Variants in COL24A1 observed in about 807,000 individuals in gnomAD.
The protein encoded by COL24A1 is collagen alpha-1(XXIV) chain.
A neutral mutation model predicts 253.9 loss-of-function variants in COL24A1; 224 were observed. That is an observed-to-expected ratio of 0.88 (90% CI 0.79 to 0.99). COL24A1 has a LOEUF of 0.99. Among genes scored for constraint, COL24A1 ranks in the 50% least tolerant of loss-of-function variants. The pLI is 0.00. For synonymous variants in COL24A1, 685 were observed against 673.7 expected (o/e 1.02, Z -0.26); for missense variants, 2,131 against 2,068.5 (o/e 1.03, Z -0.59).
chr1:86,027,055 T>G (rs926994422), intron 14 of COL24A1, among the ~76,000 whole-genome samples: 5 of 152,126 alleles, frequency 3.3e-5, no homozygotes, highest in Admixed American at 3.3e-4. Flanking sequence ...GCGGAAGAAA[T>G]TTTTAAGCAG....
chr1:86,069,663 G>A (rs1701732480), intron 7 of COL24A1, among the ~76,000 whole-genome samples: 1 of 151,972 alleles, frequency 6.6e-6, no homozygotes, highest in South Asian at 2.1e-4. Flanking sequence ...AGCAAAGAGA[G>A]AGAGAGAGAG....
intron 2 of COL24A1, among the ~76,000 whole-genome samples, chr1:86,145,876 T>G (rs937455291): frequency 2.0e-5 from 3 of 152,078 alleles, no homozygotes; most frequent in African/African-American, 7.2e-5. Flanking sequence ...AAAACTTCTT[T>G]TTTATAGAGT....
chr1:86,061,727 T>C (rs576036863), intron 8 of COL24A1, among the ~76,000 whole-genome samples: 17 of 152,062 alleles, frequency 1.1e-4, no homozygotes, highest in African/African-American at 4.1e-4. Context: ...CCACAGAAAC[T>C]CAAAAGAAAC....
At chr1:85,748,550 C>G (rs2100984703) in intron 55 of COL24A1, among the ~76,000 whole-genome samples, 1 of 152,114 alleles carries the variant, frequency 6.6e-6, no homozygotes, top group Admixed American at 6.5e-5. Context: ...CGAATAGGAA[C>G]AGCTCCGGTC....
intron 47 of COL24A1, among the ~76,000 whole-genome samples, chr1:85,799,125 T>TC (rs1671126721): frequency 6.6e-6 from 1 of 151,568 alleles, no homozygotes; most frequent in South Asian, 2.1e-4. Context: ...CCCTGTACTG[T>TC]CCCTCAGTTA....
intron 19 of COL24A1, among the ~76,000 whole-genome samples, chr1:86,014,631 A>G (rs1475432867): frequency 7.5e-6 from 1 of 134,170 alleles, no homozygotes; most frequent in African/African-American, 2.9e-5. Context: ...CCTATTTTCT[A>G]TTTTTGGAAT....
In COL24A1 at chr1:86,022,496, C is replaced by G. The variant is rs369791694; in HGVS notation, c.2202+42G>C. The G allele has an allele frequency of 4.6e-6, 7 of 1,531,344 alleles. No individual in the cohort carries two copies. The Admixed American group carries it at 1.2e-4, about 27-fold the overall frequency. The allele number at this position is 1,531,344 out of a possible 1,614,324, so 94.9% of individuals were successfully genotyped here. On this transcript the variant is annotated intron_variant, in intron 17 of 59. Transcript: ENST00000370571. The stretch of plus-strand genomic sequence containing the variant: ...TAAGCAGTTCTTTCTTTTGAATTTA[C>G]ACTTTTTCATATTTACATAAAATTA...
At chr1:86,110,250 A>C (rs1376535194) in intron 5 of COL24A1, among the ~76,000 whole-genome samples, 1 of 151,862 alleles carries the variant, frequency 6.6e-6, no homozygotes, top group Non-Finnish European at 1.5e-5. Flanking sequence ...AAGTATGGGA[A>C]TGGAGATATC....
At chr1:85,927,911 C>G (rs1413344168) in intron 24 of COL24A1, among the ~76,000 whole-genome samples, 1 of 138,906 alleles carries the variant, frequency 7.2e-6, no homozygotes, top group Non-Finnish European at 1.6e-5. Context: ...GAAAGGACAT[C>G]TACACCAAAA....
intron 19 of COL24A1, among the ~76,000 whole-genome samples, chr1:86,001,412 T>TAAAA (rs1695393778): frequency 6.6e-6 from 1 of 152,208 alleles, no homozygotes; most frequent in Non-Finnish European, 1.5e-5. Flanking sequence ...CCTGCCTTTT[T>TAAAA]AGTTGAGTAG....
At position 86,082,645 on chromosome 1, in the gene COL24A1, CAT is replaced by C. The variant is rs934358167; in HGVS notation, c.1707+6527_1707+6528del. ...TGTATATATTTATATAAATATATAA[CAT>C]ATATTTATATATACTGTAATAATTT... On this transcript the variant is annotated intron_variant, in intron 7 of 59. Coordinates refer to ENST00000370571, the MANE Select transcript of COL24A1 (RefSeq NM_152890.7). 4.3e-4 allele frequency among the ~76,000 whole-genome samples: 64 copies of C among 147,266 alleles called. 1 individual carries two copies. Among genetic ancestry groups the C allele is most frequent in the Middle Eastern group, 3.6e-3 (1 of 278 alleles).
chr1:85,944,053 C>T (rs1051311092), intron 24 of COL24A1, among the ~76,000 whole-genome samples: 4 of 152,150 alleles, frequency 2.6e-5, no homozygotes, highest in Admixed American at 6.5e-5. Context: ...TTTGTACATT[C>T]GCATTTGTGA....
chr1:86,088,666 C>A (rs768345128), intron 7 of COL24A1, among the ~76,000 whole-genome samples: 47 of 152,112 alleles, frequency 3.1e-4, no homozygotes, highest in Non-Finnish European at 3.7e-4. Context: ...ACCCTTCAAG[C>A]CTCACATCTG....
At chr1:86,072,853 G>A (rs1701971719) in intron 7 of COL24A1, among the ~76,000 whole-genome samples, 1 of 152,192 alleles carries the variant, frequency 6.6e-6, no homozygotes, top group Non-Finnish European at 1.5e-5. Flanking sequence ...AGGGTCTGGA[G>A]TGGACCTCCA....
chr1:85,828,017 G>T (rs1256452002), intron 43 of COL24A1, among the ~76,000 whole-genome samples: 5 of 152,014 alleles, frequency 3.3e-5, no homozygotes, highest in South Asian at 2.1e-4. Context: ...TGATGTTAGG[G>T]TGTCAATTTT....
intron 22 of COL24A1, 23 bp from the exon 23 acceptor site, chr1:85,965,085 A>G: frequency 6.3e-7 from 1 of 1,586,212 alleles, no homozygotes; most frequent in Non-Finnish European, 8.6e-7. Flanking sequence ...AGCATAAAAG[A>G]AGAAAGTATA....
At chr1:85,925,725 A>C (rs973792021) in intron 24 of COL24A1, among the ~76,000 whole-genome samples, 1 of 152,240 alleles carries the variant, frequency 6.6e-6, no homozygotes, top group Non-Finnish European at 1.5e-5. Flanking sequence ...AAACCCTAGA[A>C]GAAAACCTAA....
chr1:85,864,795 T>A (rs888086209), intron 37 of COL24A1, among the ~76,000 whole-genome samples: 12 of 152,326 alleles, frequency 7.9e-5, no homozygotes, highest in African/African-American at 2.6e-4. Flanking sequence ...CCAAATTTTG[T>A]CCTAAACATA....
In COL24A1 at chr1:85,868,556, A is replaced by G. The variant is rs1421619474; in HGVS notation, c.3263T>C (p.Ile1088Thr). ...TTGGCCTGATCTACCCAAGGGTCCT[A>G]TAATTCCTGGTAAGCCCATCTCTCC... Reference protein sequence around the residue: ...EKGEMGLPGIIGPLGRSGQTG... With the variant: ...EKGEMGLPGITGPLGRSGQTG... Residue 1088 changes from isoleucine to threonine, a missense_variant, in exon 37 of 60, where the codon ATA (isoleucine) becomes ACA (threonine). Ile to Thr is a moderately conservative substitution (Grantham distance 89). Transcript: ENST00000370571. The G allele has an allele frequency of 5.6e-6, 9 of 1,613,952 alleles. No homozygotes were observed. Among genetic ancestry groups the G allele is most frequent in the East Asian group, 2.2e-5 (1 of 44,870 alleles).
Sources: gnomAD v4.1 joint callset for allele counts (sites outside exome capture counted in the v4.1 genomes callset) on GRCh38, gnomAD v4.1.1 for gene constraint, MANE v1.5 for transcripts, NCBI Gene and HGNC (gene_info 2026-07-23, HGNC 2026-07-21) for gene names.